RALGAPB: variants seen among roughly 807,000 people sequenced by gnomAD.
The protein encoded by RALGAPB is ral GTPase-activating protein subunit beta.
Under a neutral mutation model 161.1 loss-of-function variants are expected in RALGAPB, and 25 were observed. That is an observed-to-expected ratio of 0.16 (90% CI 0.11 to 0.22). The LOEUF is 0.22. RALGAPB is among the 10% of genes least tolerant of loss of function. The pLI is 1.00. For missense variants in RALGAPB, 1,391 were observed against 1,815.2 expected (o/e 0.77, Z 4.25); for synonymous variants, 629 against 626.1 (o/e 1.00, Z -0.07).
At chr20:38,492,514 G>A (rs1011422542) in intron 2 of RALGAPB, among the ~76,000 whole-genome samples, 1 of 151,994 alleles carries the variant, frequency 6.6e-6, no homozygotes, top group Non-Finnish European at 1.5e-5. Flanking sequence ...ATAATCTGGA[G>A]ATGGAATGTG....
At chr20:38,567,058 G>T in intron 25 of RALGAPB, 38 bp from the exon 26 acceptor site, 2 of 1,587,246 alleles carry the variant, frequency 1.3e-6, no homozygotes, top group Non-Finnish European at 1.7e-6. Flanking sequence ...CAAATAAGTG[G>T]TATGTATTAT....
chr20:38,491,785 A>G (rs1287547024), intron 2 of RALGAPB, among the ~76,000 whole-genome samples: 1 of 152,188 alleles, frequency 6.6e-6, no homozygotes, highest in Non-Finnish European at 1.5e-5. Flanking sequence ...TGCTTTGTAA[A>G]CTGCAAGGAC....
chr20:38,526,338 C>G (rs1050994777), intron 13 of RALGAPB, among the ~76,000 whole-genome samples: 11 of 152,084 alleles, frequency 7.2e-5, no homozygotes, highest in Admixed American at 5.2e-4. Context: ...TTCTTTCCTC[C>G]TTTCTTCCTG....
At chr20:38,510,557 G>C (rs1287948716) in intron 6 of RALGAPB, among the ~76,000 whole-genome samples, 1 of 152,128 alleles carries the variant, frequency 6.6e-6, no homozygotes. Flanking sequence ...ACCTTCTGGG[G>C]TTTGGATTGT....
At chr20:38,557,912 G>C (rs746899276) in intron 22 of RALGAPB, among the ~76,000 whole-genome samples, 3 of 152,170 alleles carry the variant, frequency 2.0e-5, no homozygotes, top group African/African-American at 4.8e-5. Context: ...GCATTGCATG[G>C]TAAGACTGTG....
chr20:38,541,050 A>G lies in RALGAPB; in HGVS notation c.2572A>G (p.Lys858Glu). Residue 858 changes from lysine to glutamate, a missense_variant, in exon 18 of 30, where the codon AAG becomes GAG. Physicochemically the swap from Lys to Glu is moderately conservative, Grantham distance 56. Around this residue, in one of 3 missense-constraint regions of RALGAPB, gnomAD observed 946 missense variants for 1,257.2 expected, o/e 0.75. Transcript: ENST00000262879. Reference protein sequence around the residue: ...PDMLDEKDCLKEVLEIVELGI... With the variant: ...PDMLDEKDCLEEVLEIVELGI... ...CCTTTCCTGCTTTTAGGACTGCCTT[A>G]AGGAAGTACTGGAGATTGTGGAACT... 1.2e-6 allele frequency: 2 copies of G among 1,613,984 alleles called. No individual in the cohort carries two copies. Among genetic ancestry groups the G allele is most frequent in the Non-Finnish European group, 1.7e-6 (2 of 1,179,904 alleles).
intron 1 of RALGAPB, among the ~76,000 whole-genome samples, chr20:38,486,742 T>G (rs1441749492): frequency 6.6e-6 from 1 of 152,236 alleles, no homozygotes; most frequent in African/African-American, 2.4e-5. Context: ...TTACTAGTAA[T>G]TAGCTTCAAA....
At chr20:38,478,335 A>G (rs1383877942) in intron 1 of RALGAPB, among the ~76,000 whole-genome samples, 2 of 152,200 alleles carry the variant, frequency 1.3e-5, no homozygotes, top group Non-Finnish European at 2.9e-5. Context: ...TAGGGTTGTT[A>G]TTGGAATAAA....
At chr20:38,537,748 C>G (rs1174634417) in intron 16 of RALGAPB, 3 of 152,136 alleles carry the variant, frequency 2.0e-5, no homozygotes, top group African/African-American at 7.2e-5. Context: ...TGGTGGTGCA[C>G]AGCAGCAATA....
intron 13 of RALGAPB, among the ~76,000 whole-genome samples, chr20:38,528,128 T>C (rs1041324045): frequency 6.6e-6 from 1 of 152,224 alleles, no homozygotes; most frequent in African/African-American, 2.4e-5. Context: ...TTGTTTTATT[T>C]ATTTGTTTCT....
intron 16 of RALGAPB, among the ~76,000 whole-genome samples, chr20:38,537,076 A>G (rs1383644006): frequency 1.3e-5 from 2 of 152,228 alleles, no homozygotes; most frequent in African/African-American, 4.8e-5. Context: ...CAATTCATAA[A>G]GGGCTAACAC....
intron 5 of RALGAPB, among the ~76,000 whole-genome samples, chr20:38,506,417 C>T (rs1380122739): frequency 6.6e-6 from 1 of 152,106 alleles, no homozygotes; most frequent in Non-Finnish European, 1.5e-5. Context: ...CCTCAGCCAC[C>T]TGAGTAGCTG....
At position 38,497,345 on chromosome 20, in the gene RALGAPB, T is replaced by TG. The variant is rs778853041; in HGVS notation, c.390-8_390-7insG. 1.9e-6 allele frequency: 3 copies of TG among 1,612,786 alleles called. No homozygotes were observed. Among genetic ancestry groups the TG allele is most frequent in the Non-Finnish European group, 2.5e-6 (3 of 1,179,324 alleles). Reference sequence around the variant, plus strand: ...GGCTTGTCAGTGATATCTGTCTGTCTTCTTCAGACAGGAACAGGGTTCCAG... The same window carrying TG: ...GGCTTGTCAGTGATATCTGTCTGTCTGTCTTCAGACAGGAACAGGGTTCCAG... On this transcript the variant is annotated splice_polypyrimidine_tract_variant and splice_region_variant and intron_variant, in intron 3 of 29. Transcript: ENST00000262879.
intron 11 of RALGAPB, 126 bp from the exon 12 acceptor site, chr20:38,525,278 C>G (rs374401116): frequency 1.4e-5 from 10 of 715,360 alleles, no homozygotes; most frequent in Non-Finnish European, 4.8e-6. Flanking sequence ...AACAGTTTAA[C>G]TTAGAAATAT....
At chr20:38,530,636 G>T (rs1190513319) in intron 13 of RALGAPB, among the ~76,000 whole-genome samples, 2 of 141,132 alleles carry the variant, frequency 1.4e-5, no homozygotes, top group African/African-American at 2.7e-5. Flanking sequence ...TCGCTCTGTT[G>T]TCCAGGCTGG....
intron 1 of RALGAPB, among the ~76,000 whole-genome samples, chr20:38,482,369 A>C (rs1205897734): frequency 6.6e-6 from 1 of 151,546 alleles, no homozygotes; most frequent in African/African-American, 2.4e-5. Context: ...TCAAGGGTCA[A>C]CTGTACTTGC....
At chr20:38,490,889 C>T (rs1352492134) in intron 2 of RALGAPB, among the ~76,000 whole-genome samples, 1 of 152,222 alleles carries the variant, frequency 6.6e-6, no homozygotes, top group Non-Finnish European at 1.5e-5. Flanking sequence ...AGATGATCCA[C>T]AGTCCTTGGC....
rs772748353 is a variant in RALGAPB at position 38,488,572 on chromosome 20, C to A, written c.140C>A (p.Thr47Asn). ...CGTCCTCTTGGGCAGGTGTTAGGTA[C>A]CCCTTCAGTGGCTGGTAGTGAGAAT... ...VVRPLGQVLG[T>N]PSVAGSENLL... Residue 47 changes from threonine to asparagine, a missense_variant, in exon 2 of 30, where the codon ACC (threonine) becomes AAC (asparagine). By Grantham distance (65) the Thr-to-Asn change is moderately conservative. Coordinates refer to ENST00000262879, the MANE Select transcript of RALGAPB (RefSeq NM_020336.4). 4 of 1,614,040 alleles carry A rather than the reference C, an allele frequency of 2.5e-6. No homozygotes were observed. Among genetic ancestry groups the A allele is most frequent in the Non-Finnish European group, 2.5e-6 (3 of 1,180,006 alleles).
At chr20:38,524,095 T>TGCAGC (rs1299307242) in intron 10 of RALGAPB, among the ~76,000 whole-genome samples, 2 of 152,188 alleles carry the variant, frequency 1.3e-5, no homozygotes. Context: ...AGTATAACAG[T>TGCAGC]GCAGCTGCTG....
Sources: allele counts gnomAD v4.1 joint callset (sites outside exome capture counted in the v4.1 genomes callset), GRCh38; gene constraint gnomAD v4.1.1; regional missense constraint gnomAD v4.1.1; transcripts MANE v1.5; gene names NCBI Gene and HGNC (gene_info 2026-07-23, HGNC 2026-07-21).